Variants in ADRA1B observed in about 807,000 individuals in gnomAD.
The protein encoded by ADRA1B is alpha-1B adrenergic receptor.
A neutral mutation model predicts 17.9 loss-of-function variants in ADRA1B; 17 were observed. The ratio of observed to expected loss-of-function variants is 0.95; its 90% confidence interval spans 0.65 to 1.42. The LOEUF (loss-of-function observed/expected upper bound fraction) is 1.42. Ranked by LOEUF, ADRA1B falls within the 40% of genes most tolerant of loss-of-function variation. The pLI is 0.00. For missense variants in ADRA1B, 681 were observed against 722.1 expected (o/e 0.94, Z 0.65); for synonymous variants, 366 against 327.6 (o/e 1.12, Z -1.27).
Position 159,917,436 on chromosome 5 carries a change from C to T in ADRA1B, c.531C>T (p.Ser177=). 2 of 1,614,206 alleles carry T rather than the reference C, an allele frequency of 1.2e-6. No homozygotes were observed. Among genetic ancestry groups the T allele is most frequent in the Admixed American group, 1.7e-5 (1 of 60,030 alleles). Residue 177 remains serine, a synonymous_variant, in exon 1 of 2, where the codon TCC becomes TCT. Coordinates refer to ENST00000306675, the MANE Select transcript of ADRA1B (RefSeq NM_000679.4). ...LSVWVLSTVI[S]IGPLLGWKEP... ...TCTGGGTCTTGTCCACCGTCATCTC[C>T]ATCGGGCCTCTCCTTGGGTGGAAGG...
intron 1 of ADRA1B, chr5:159,929,148 C>A (rs1754736001): frequency 6.6e-6 from 1 of 151,906 alleles, no homozygotes; most frequent in Admixed American, 6.6e-5. Flanking sequence ...CAAAGAAAAC[C>A]AATTATATTG....
rs114502188 is a variant in ADRA1B at position 159,936,890 on chromosome 5, G to A, written c.949+19036G>A. ...TGGACTTGGAACACTCTGTCCTGGA[G>A]CTGCTGACTGTGTTGTCAGAGAGCA... On this transcript the variant is annotated intron_variant, in intron 1 of 1. Transcript: ENST00000306675. 1.8e-3 allele frequency among the ~76,000 whole-genome samples: 277 copies of A among 152,290 alleles called. 1 individual carries two copies. Among genetic ancestry groups the A allele is most frequent in the African/African-American group, 6.3e-3 (262 of 41,552 alleles).
chr5:159,888,271 A>G (rs1369819611), intron 1 of ADRA1B: 1 of 152,186 alleles, frequency 6.6e-6, no homozygotes, highest in Non-Finnish European at 1.5e-5. Context: ...GGGGTGCTGT[A>G]TTTGGCACCT....
chr5:159,884,484 A>T (rs1366825677), intron 1 of ADRA1B, among the ~76,000 whole-genome samples: 2 of 152,098 alleles, frequency 1.3e-5, no homozygotes, highest in Non-Finnish European at 2.9e-5. Flanking sequence ...TTCCACTTCC[A>T]CCATGAGATA....
Position 159,972,560 on chromosome 5 carries a change from G to A in ADRA1B, c.*68G>A. On this transcript the variant is annotated 3_prime_UTR_variant, in exon 2 of 2. Transcript: ENST00000306675. ...GTGGGGGGGAGGGGAGGGCGGGGCG[G>A]AGGGGGGAGGGGAGCGTCCACGCCG... 1 of 605,014 alleles carries A rather than the reference G, an allele frequency of 1.7e-6. No individual in the cohort carries two copies. Among genetic ancestry groups the A allele is most frequent in the Non-Finnish European group, 2.4e-6 (1 of 416,116 alleles). 37.5% of individuals were successfully genotyped at this position (605,014 alleles called of 1,614,324 possible).
At chr5:159,988,864 T>C in the ADRA1B span, among the ~76,000 whole-genome samples, 1 of 152,224 alleles carries the variant, frequency 6.6e-6, no homozygotes, top group African/African-American at 2.4e-5. Flanking sequence ...CCTATATTCC[T>C]AGCTACTCAG....
chr5:159,969,787 A>G (rs1435514472), intron 1 of ADRA1B, among the ~76,000 whole-genome samples: 1 of 152,256 alleles, frequency 6.6e-6, no homozygotes, highest in South Asian at 2.1e-4. Context: ...TTAAATTTGT[A>G]TATACAAGAG....
At chr5:159,982,245 C>A in the ADRA1B span, among the ~76,000 whole-genome samples, 1 of 152,234 alleles carries the variant, frequency 6.6e-6, no homozygotes, top group Non-Finnish European at 1.5e-5. Context: ...GGACACCTAA[C>A]AGGTGCCCTA....
intron 1 of ADRA1B, among the ~76,000 whole-genome samples, chr5:159,894,801 G>A (rs1581022808): frequency 1.3e-5 from 2 of 152,112 alleles, no homozygotes; most frequent in East Asian, 3.9e-4. Context: ...CCCCAGGAAG[G>A]TGATGTTGTC....
chr5:159,923,459 G>A (rs866427828), intron 1 of ADRA1B, among the ~76,000 whole-genome samples: 14 of 152,358 alleles, frequency 9.2e-5, no homozygotes, highest in South Asian at 8.3e-4. Context: ...GGTTGGTGAC[G>A]GCATAAGAGA....
rs545257228 is a variant in ADRA1B, at chr5:159,881,149, C to G, written c.-256+15943C>G. On this transcript the variant is annotated intron_variant, in intron 1 of 2. Transcript: ENST00000641205. The stretch of plus-strand genomic sequence containing the variant: ...AGATTGCGCCACTGCAGTCCGCAGT[C>G]CGGCCTGGGCGACAGAGCGAGACTC... Among the ~76,000 whole-genome samples, 5 of 141,684 alleles carry G rather than the reference C, an allele frequency of 3.5e-5. No homozygotes were observed. The East Asian group carries it at 1.0e-3, about 29-fold the overall frequency. The allele number at this position is 141,684 out of a possible 152,430, so 93.0% of individuals were successfully genotyped here. A position where few individuals can be genotyped will look rare whatever the true frequency, so the allele number is the denominator to read the frequency against.
intron 1 of ADRA1B, among the ~76,000 whole-genome samples, chr5:159,949,426 T>C (rs972449072): frequency 2.6e-5 from 4 of 152,234 alleles, no homozygotes; most frequent in African/African-American, 4.8e-5. Context: ...ATGAAACAGC[T>C]ACGCAGAAAA....
At chr5:159,958,521 C>T (rs1280176113) in intron 1 of ADRA1B, among the ~76,000 whole-genome samples, 1 of 152,126 alleles carries the variant, frequency 6.6e-6, no homozygotes, top group Admixed American at 6.6e-5. Flanking sequence ...TCCTCATACC[C>T]ACTCTTACCA....
At chr5:159,959,702 T>A (rs1755628954) in intron 1 of ADRA1B, among the ~76,000 whole-genome samples, 1 of 152,170 alleles carries the variant, frequency 6.6e-6, no homozygotes, top group South Asian at 2.1e-4. Context: ...TCTAGATACT[T>A]GCATTTTAAT....
At chr5:159,956,104 C>T (rs376136781) in intron 1 of ADRA1B, among the ~76,000 whole-genome samples, 1 of 152,026 alleles carries the variant, frequency 6.6e-6, no homozygotes, top group African/African-American at 2.4e-5. Context: ...ATTGGCCAGG[C>T]CTGGTGACAC....
At chr5:159,960,322 C>A (rs543058637) in intron 1 of ADRA1B, among the ~76,000 whole-genome samples, 1 of 152,164 alleles carries the variant, frequency 6.6e-6, no homozygotes, top group Non-Finnish European at 1.5e-5. Flanking sequence ...ATTGCAGCCA[C>A]GTTGAATAGG....
intron 1 of ADRA1B, among the ~76,000 whole-genome samples, chr5:159,943,824 A>G (rs1156705258): frequency 6.6e-6 from 1 of 151,946 alleles, no homozygotes; most frequent in Non-Finnish European, 1.5e-5. Context: ...AAATTTTGTG[A>G]TGATTTCCTT....
intron 1 of ADRA1B, among the ~76,000 whole-genome samples, chr5:159,937,450 T>G (rs935017141): frequency 6.6e-6 from 1 of 151,610 alleles, no homozygotes; most frequent in Non-Finnish European, 1.5e-5. Context: ...TTTTTTTGTT[T>G]TTTTTTTTTG....
At chr5:159,903,351 T>C (rs1209884959) in intron 1 of ADRA1B, among the ~76,000 whole-genome samples, 4 of 152,226 alleles carry the variant, frequency 2.6e-5, no homozygotes, top group Non-Finnish European at 1.5e-5. Context: ...TCTCTGTCCA[T>C]GTGAAGCCTA....
Sources: allele counts gnomAD v4.1 joint callset (sites outside exome capture counted in the v4.1 genomes callset), GRCh38; gene constraint gnomAD v4.1.1; transcripts MANE v1.5; gene names NCBI Gene and HGNC (gene_info 2026-07-23, HGNC 2026-07-21).